LRMDA: variants seen among roughly 807,000 people sequenced by gnomAD.
The protein encoded by LRMDA is leucine rich melanocyte differentiation associated.
A neutral mutation model predicts 29.8 loss-of-function variants in LRMDA; 18 were observed. The observed-to-expected ratio is 0.60, with a 90% CI of 0.42 to 0.90. The LOEUF is 0.90. Among genes scored for constraint, LRMDA ranks in the 40% least tolerant of loss-of-function variants. The pLI, the probability that LRMDA is intolerant of heterozygous loss-of-function variation, is 0.00. For synonymous variants in LRMDA, 125 were observed against 109.4 expected (o/e 1.14, Z -0.89); for missense variants, 273 against 273.9 (o/e 1.00, Z 0.02).
rs549959365 is a variant in LRMDA, at chr10:75,614,021, G to GT, written c.131+175528dup. Among the ~76,000 whole-genome samples the GT allele has an allele frequency of 4.7e-4, 72 of 152,294 alleles. No homozygotes were observed. In the East Asian group the frequency reaches 0.013, roughly 27 times the overall value. ...GACCTTGAAAATGTGGCTTCAGCAT[G>GT]TGAGGAGTCAAGTTGCTGAAATCTT... On this transcript the variant is annotated intron_variant, in intron 2 of 6. Coordinates refer to ENST00000611255, the MANE Select transcript of LRMDA (RefSeq NM_001305581.2).
chr10:75,769,644 T>G (rs1419502949), intron 2 of LRMDA, among the ~76,000 whole-genome samples: 1 of 152,226 alleles, frequency 6.6e-6, no homozygotes, highest in Non-Finnish European at 1.5e-5. Context: ...TTTTTAAAAT[T>G]TGTATCAAGT....
chr10:75,950,441 ATG>A (rs1846553934), intron 2 of LRMDA, among the ~76,000 whole-genome samples: 1 of 152,098 alleles, frequency 6.6e-6, no homozygotes, highest in Admixed American at 6.5e-5. Context: ...TTCCTACCTT[ATG>A]TCATAGACAG....
chr10:75,457,544 C>G (rs757289946), intron 2 of LRMDA, among the ~76,000 whole-genome samples: 62 of 152,168 alleles, frequency 4.1e-4, no homozygotes, highest in Non-Finnish European at 7.2e-4. Context: ...TCTTCCCAAA[C>G]TTATATTTCA....
intron 5 of LRMDA, among the ~76,000 whole-genome samples, chr10:76,113,160 C>T (rs574344520): frequency 9.9e-5 from 15 of 151,964 alleles, no homozygotes; most frequent in African/African-American, 3.4e-4. Context: ...CATTGGGTGT[C>T]TCCTGTGGGG....
chr10:76,208,459 A>C (rs992365107), intron 5 of LRMDA, among the ~76,000 whole-genome samples: 1 of 152,220 alleles, frequency 6.6e-6, no homozygotes, highest in African/African-American at 2.4e-5. Flanking sequence ...ATCACAGGGC[A>C]GCCAGCAAGG....
rs113433290 is a variant in LRMDA at position 75,543,932 on chromosome 10, C to T, written c.131+105438C>T. Among the ~76,000 whole-genome samples the T allele has an allele frequency of 5.5e-4, 84 of 152,250 alleles. 1 individual carries two copies. The highest frequency in any genetic ancestry group is 2.0e-3 in the African/African-American group (81 of 41,538). On this transcript the variant is annotated intron_variant, in intron 2 of 6. Transcript: ENST00000611255. ...AACTTACTAATTCTGATACAAGTGTCGCTGAATGTGCTTCCTTGCTGTGGC... is the reference window on the plus strand; with the variant it reads ...AACTTACTAATTCTGATACAAGTGTTGCTGAATGTGCTTCCTTGCTGTGGC...
At chr10:76,475,311 CG>C (rs1842656529) in intron 6 of LRMDA, among the ~76,000 whole-genome samples, 1 of 151,680 alleles carries the variant, frequency 6.6e-6, no homozygotes, top group Admixed American at 6.6e-5. Flanking sequence ...TATATTTTAA[CG>C]TAGTAAATTT....
intron 5 of LRMDA, among the ~76,000 whole-genome samples, chr10:76,149,747 A>G (rs1277135888): frequency 6.6e-6 from 1 of 152,138 alleles, no homozygotes; most frequent in Non-Finnish European, 1.5e-5. Flanking sequence ...TAGTTCTTGA[A>G]TGCCTTTGGG....
chr10:75,555,254 G>C (rs750634205), intron 2 of LRMDA, among the ~76,000 whole-genome samples: 1 of 152,166 alleles, frequency 6.6e-6, no homozygotes, highest in African/African-American at 2.4e-5. Flanking sequence ...GAAGGGAAAG[G>C]CTTAGGGTGA....
At chr10:76,397,129 C>G (rs1370365854) in intron 6 of LRMDA, among the ~76,000 whole-genome samples, 1 of 152,182 alleles carries the variant, frequency 6.6e-6, no homozygotes. Flanking sequence ...TGTCAGGGGG[C>G]AGATGGGAAG....
At chr10:76,494,694 G>A (rs1842865568) in intron 6 of LRMDA, among the ~76,000 whole-genome samples, 1 of 151,732 alleles carries the variant, frequency 6.6e-6, no homozygotes, top group South Asian at 2.1e-4. Flanking sequence ...TGTGGAAATG[G>A]AAGTCATTGA....
intron 5 of LRMDA, among the ~76,000 whole-genome samples, chr10:76,162,610 C>T (rs953142668): frequency 4.6e-5 from 7 of 152,112 alleles, no homozygotes; most frequent in Non-Finnish European, 8.8e-5. Context: ...ATGCTACACA[C>T]TTTTAAACAG....
At chr10:76,341,945 G>C (rs1215042879) in intron 6 of LRMDA, among the ~76,000 whole-genome samples, 1 of 152,132 alleles carries the variant, frequency 6.6e-6, no homozygotes, top group Non-Finnish European at 1.5e-5. Flanking sequence ...AGTTACAAAA[G>C]TCCTGCTGCT....
intron 6 of LRMDA, among the ~76,000 whole-genome samples, chr10:76,331,741 A>C (rs1386908174): frequency 6.6e-6 from 1 of 152,116 alleles, no homozygotes; most frequent in African/African-American, 2.4e-5. Context: ...AATTATGTAA[A>C]ATGATTTCCT....
At chr10:75,948,110 G>T (rs1846508098) in intron 2 of LRMDA, among the ~76,000 whole-genome samples, 2 of 152,206 alleles carry the variant, frequency 1.3e-5, no homozygotes, top group Admixed American at 6.5e-5. Context: ...AGCAGTGTTT[G>T]CATAATGTTA....
chr10:75,769,837 G>T (rs1434092262), intron 2 of LRMDA, among the ~76,000 whole-genome samples: 2 of 152,182 alleles, frequency 1.3e-5, no homozygotes, highest in African/African-American at 4.8e-5. Context: ...ACAAATATCA[G>T]CTTGGCATGG....
At chr10:75,974,226 AG>A (rs1847031471) in intron 2 of LRMDA, among the ~76,000 whole-genome samples, 1 of 152,108 alleles carries the variant, frequency 6.6e-6, no homozygotes, top group Non-Finnish European at 1.5e-5. Flanking sequence ...GGCAACATGG[AG>A]GGGAGGCAAA....
intron 5 of LRMDA, among the ~76,000 whole-genome samples, chr10:76,197,142 A>G (rs1463764751): frequency 1.3e-5 from 2 of 152,212 alleles, no homozygotes; most frequent in African/African-American, 4.8e-5. Context: ...CTCATATGAC[A>G]TGGTTCCCCA....
intron 6 of LRMDA, among the ~76,000 whole-genome samples, chr10:76,393,444 T>C (rs1249266493): frequency 6.6e-6 from 1 of 152,242 alleles, no homozygotes; most frequent in African/African-American, 2.4e-5. Flanking sequence ...TATACACCTG[T>C]TGATCATTTG....
Sources: gnomAD v4.1 joint callset for allele counts (sites outside exome capture counted in the v4.1 genomes callset) on GRCh38, gnomAD v4.1.1 for gene constraint, MANE v1.5 for transcripts, NCBI Gene and HGNC (gene_info 2026-07-23, HGNC 2026-07-21) for gene names.